Variants in USH2A observed in about 807,000 individuals in gnomAD.
The protein encoded by USH2A is usherin, also known as Usher syndrome 2A (autosomal recessive, mild).
USH2A carries 443 observed loss-of-function variants against 538.9 expected under a neutral mutation model. The observed-to-expected ratio is 0.82, with a 90% CI of 0.76 to 0.89. USH2A has a LOEUF of 0.89. USH2A is among the 40% of genes least tolerant of loss of function. The pLI is 0.00. For synonymous variants in USH2A, 2,413 were observed against 2,273.5 expected (o/e 1.06, Z -1.75); for missense variants, 6,633 against 6,324.8 (o/e 1.05, Z -1.65).
chr1:215,827,597 T>C (rs1323443403), intron 47 of USH2A, among the ~76,000 whole-genome samples: 1 of 152,170 alleles, frequency 6.6e-6, no homozygotes. Flanking sequence ...ATCAAATGAG[T>C]AATATTTCCT....
Position 216,000,451 on chromosome 1 carries a change from A to G in USH2A, c.6437T>C (p.Val2146Ala). The change falls in exon 33 of 72, where the codon GTG becomes GCG. Residue 2146 changes from valine to alanine, a missense_variant. Transcript: ENST00000307340. ...CAGGACAGTCAGAACTGGGGAATCC[A>G]CGTGTTCTGGTGGCAGCTGTGCTGT... is the stretch of plus-strand genomic sequence containing the variant. The part of the protein sequence containing the change: ...LYTAQLPPEH[V>A]DSPVLTVLDS... 1 of 1,613,688 alleles carries G rather than the reference A, an allele frequency of 6.2e-7. No individual in the cohort carries two copies. Among genetic ancestry groups the G allele is most frequent in the Non-Finnish European group, 8.5e-7 (1 of 1,179,720 alleles).
Position 216,048,603 on chromosome 1 carries a change from G to A in USH2A, c.6094C>T (p.Leu2032=), listed in dbSNP as rs1385829693. The A allele has an allele frequency of 1.2e-6, 2 of 1,614,074 alleles. No homozygotes were observed. The highest frequency in any genetic ancestry group is 3.3e-5 in the Admixed American group (2 of 60,024). ...LLPFKNYAVT[L]TACTLAGCTE... is the part of the protein sequence containing the mutation. ...CAGCCAGCCAAAGTGCAAGCAGTTA[G>A]GGTTACTGCATAGTTTTTGAAGGGT... Residue 2032 remains leucine, a synonymous_variant, in exon 31 of 72, where the codon CTA becomes TTA. Coordinates refer to ENST00000307340, the MANE Select transcript of USH2A (RefSeq NM_206933.4).
rs1206789266 is a variant in USH2A, at chr1:216,251,020, G to T, written c.2050C>A (p.Gln684Lys). Residue 684 changes from glutamine to lysine, a missense_variant, in exon 12 of 72, where the codon CAA becomes AAA. Coordinates refer to ENST00000307340, the MANE Select transcript of USH2A (RefSeq NM_206933.4). ...CTGCAGCCATCAGGATCCAACTCTT[G>T]TAGATTGTAGAATCCATTCTGGCAC... ...NQCQNGFYNL[Q>K]ELDPDGCSPC... 2 of 1,613,924 alleles carry T rather than the reference G, an allele frequency of 1.2e-6. No individual in the cohort carries two copies. Among genetic ancestry groups the T allele is most frequent in the East Asian group, 2.2e-5 (1 of 44,834 alleles).
intron 11 of USH2A, among the ~76,000 whole-genome samples, chr1:216,260,700 A>G (rs1558349730): frequency 6.6e-6 from 1 of 152,172 alleles, no homozygotes; most frequent in Non-Finnish European, 1.5e-5. Flanking sequence ...ATCCTACTCC[A>G]CAGTGACATC....
At chr1:216,253,624 C>T (rs1216633142) in intron 11 of USH2A, among the ~76,000 whole-genome samples, 2 of 152,168 alleles carry the variant, frequency 1.3e-5, no homozygotes, top group Admixed American at 6.5e-5. Context: ...ATTTCGTAGT[C>T]GCCCTGACCC....
At chr1:216,366,101 TG>T (rs2038590957) in intron 3 of USH2A, among the ~76,000 whole-genome samples, 1 of 152,146 alleles carries the variant, frequency 6.6e-6, no homozygotes, top group Non-Finnish European at 1.5e-5. Flanking sequence ...TTTGTTCAAG[TG>T]CTTTTAGCTT....
At chr1:216,182,245 T>G (rs1018905650) in intron 20 of USH2A, among the ~76,000 whole-genome samples, 1 of 152,040 alleles carries the variant, frequency 6.6e-6, no homozygotes, top group African/African-American at 2.4e-5. Context: ...TCCTTGCAGT[T>G]TTTTAGGGCG....
intron 35 of USH2A, among the ~76,000 whole-genome samples, chr1:215,977,049 C>A (rs904802564): frequency 6.7e-6 from 1 of 148,388 alleles, no homozygotes; most frequent in Non-Finnish European, 1.5e-5. Flanking sequence ...ACAACAACAA[C>A]AAACAAGCAA....
intron 43 of USH2A, among the ~76,000 whole-genome samples, chr1:215,872,481 T>C (rs544323262): frequency 6.6e-6 from 1 of 152,190 alleles, no homozygotes; most frequent in South Asian, 2.1e-4. Context: ...AGACCTAAGA[T>C]AATTTTGCAG....
In USH2A at chr1:216,057,136, CT is replaced by C. The variant is rs888691708; in HGVS notation, c.6050-8490del. 3.0e-3 allele frequency among the ~76,000 whole-genome samples: 457 copies of C among 150,082 alleles called. 5 individuals are homozygous for C. The highest frequency in any genetic ancestry group is 0.011 in the African/African-American group (447 of 41,016). On this transcript the variant is annotated intron_variant, in intron 30 of 71. Coordinates refer to ENST00000307340, the MANE Select transcript of USH2A (RefSeq NM_206933.4). ...TTATTGCATAAAATAAAATGAAAAA[CT>C]TTTTTTTTTAAAAAACAACTCTCTC... is the stretch of plus-strand genomic sequence containing the variant.
intron 13 of USH2A, among the ~76,000 whole-genome samples, chr1:216,236,964 C>T (rs1172288125): frequency 6.6e-6 from 1 of 151,970 alleles, no homozygotes; most frequent in Non-Finnish European, 1.5e-5. Context: ...AACAAATAAC[C>T]CAAATAATGA....
chr1:216,011,216 C>G (rs1247161279), intron 32 of USH2A, among the ~76,000 whole-genome samples: 2 of 152,142 alleles, frequency 1.3e-5, no homozygotes, highest in East Asian at 1.9e-4. Context: ...CTCAATACCT[C>G]CCTCCACAAT....
intron 21 of USH2A, among the ~76,000 whole-genome samples, chr1:216,171,115 C>T (rs1205207291): frequency 6.6e-6 from 1 of 151,868 alleles, no homozygotes; most frequent in East Asian, 1.9e-4. Context: ...TAGAGAAAAG[C>T]AGTAAATTTG....
At chr1:216,355,358 A>AGAAAGAAAGAAAGAAG (rs2038370681) in intron 4 of USH2A, among the ~76,000 whole-genome samples, 1 of 127,666 alleles carries the variant, frequency 7.8e-6, no homozygotes, top group Non-Finnish European at 1.9e-5. Context: ...AAAGAAAGAA[A>AGAAAGAAAGAAAGAAG]GAAAGAAAGA....
At chr1:215,872,623 TG>T (rs1260902609) in intron 43 of USH2A, among the ~76,000 whole-genome samples, 1 of 152,186 alleles carries the variant, frequency 6.6e-6, no homozygotes, top group African/African-American at 2.4e-5. Flanking sequence ...CACATCCTTC[TG>T]GATTTAGAAG....
intron 43 of USH2A, among the ~76,000 whole-genome samples, chr1:215,873,051 A>C (rs1019455493): frequency 1.3e-5 from 2 of 152,138 alleles, no homozygotes; most frequent in African/African-American, 4.8e-5. Flanking sequence ...GAGCATTGCA[A>C]AATGGGCTAA....
intron 37 of USH2A, among the ~76,000 whole-genome samples, chr1:215,939,053 A>C (rs546686523): frequency 3.3e-5 from 5 of 152,290 alleles, no homozygotes; most frequent in Non-Finnish European, 7.4e-5. Context: ...TACAAAATCC[A>C]ATGAAGTTGT....
chr1:215,656,989 T>A (rs1657274984), intron 64 of USH2A, among the ~76,000 whole-genome samples: 1 of 152,386 alleles, frequency 6.6e-6, no homozygotes, highest in South Asian at 2.1e-4. Flanking sequence ...GGGCATGTAA[T>A]GAGATTGTTA....
At position 216,029,280 on chromosome 1, in the gene USH2A, A is replaced by G. The variant is rs572466074; in HGVS notation, c.6325+17151T>C. On this transcript the variant is annotated intron_variant, in intron 32 of 71. Coordinates refer to ENST00000307340, the MANE Select transcript of USH2A (RefSeq NM_206933.4). The stretch of plus-strand genomic sequence containing the variant: ...GTAGTCTACATACATATAACCAAAC[A>G]AATAAACATTAGCAGAATATAGAAT... Among the ~76,000 whole-genome samples the G allele has an allele frequency of 1.2e-3, 178 of 152,134 alleles. 1 individual carries two copies. Among genetic ancestry groups the G allele is most frequent in the African/African-American group, 4.2e-3 (173 of 41,548 alleles).
Sources: gnomAD v4.1 joint callset for allele counts (sites outside exome capture counted in the v4.1 genomes callset) on GRCh38, gnomAD v4.1.1 for gene constraint, MANE v1.5 for transcripts, NCBI Gene and HGNC (gene_info 2026-07-23, HGNC 2026-07-21) for gene names.